TCTN1: variants seen among roughly 807,000 people sequenced by gnomAD.
The protein encoded by TCTN1 is tectonic-1.
Under a neutral mutation model 65.8 loss-of-function variants are expected in TCTN1, and 58 were observed. The observed-to-expected ratio is 0.88, with a 90% CI of 0.71 to 1.10. The LOEUF is 1.10. TCTN1 is among the 50% of genes least tolerant of loss of function. TCTN1 has a pLI of 0.00. For synonymous variants in TCTN1, 273 were observed against 289.1 expected (o/e 0.94, Z 0.57); for missense variants, 645 against 719.4 (o/e 0.90, Z 1.18).
At position 110,614,373 on chromosome 12, in the gene TCTN1, C is replaced by G. The variant is rs778685524; in HGVS notation, c.191C>G (p.Ser64Cys). 6 of 1,604,748 alleles carry G rather than the reference C, an allele frequency of 3.7e-6. No homozygotes were observed. The highest frequency in any genetic ancestry group is 5.1e-6 in the Non-Finnish European group (6 of 1,176,312). ...PGTPRAPGPSSGPRPTPVTDV... is the reference protein window; with the variant it reads ...PGTPRAPGPSCGPRPTPVTDV... Reference sequence around the variant, plus strand: ...ACTCCCAGGGCTCCAGGGCCCTCCTCCGGCCCCAGGCCTACCCCAGTCACG... The same window carrying G: ...ACTCCCAGGGCTCCAGGGCCCTCCTGCGGCCCCAGGCCTACCCCAGTCACG... The change falls in exon 1 of 15, where the codon TCC becomes TGC. Residue 64 changes from serine (S) to cysteine (C), a missense_variant. Transcript: ENST00000397659.
In TCTN1 at chr12:110,628,854, T is replaced by C. The variant is rs2066031755; in HGVS notation, c.560T>C (p.Leu187Ser). Residue 187 changes from leucine (L) to serine (S), a missense_variant, in exon 4 of 15, where the codon TTG becomes TCG. By Grantham distance (145) the Leu-to-Ser change is moderately radical (BLOSUM62 -2). Transcript: ENST00000397659. ...ATGAAAACATCTGATGGTTTTACATTGAATGCTGAATCATATGTTTCCTTC... is the reference window on the plus strand; with the variant it reads ...ATGAAAACATCTGATGGTTTTACATCGAATGCTGAATCATATGTTTCCTTC... ...TLMKTSDGFTLNAESYVSFTT... is the reference protein window; with the variant it reads ...TLMKTSDGFTSNAESYVSFTT... The C allele has an allele frequency of 6.2e-7, 1 of 1,613,716 alleles. No individual in the cohort carries two copies. Among genetic ancestry groups the C allele is most frequent in the Non-Finnish European group, 8.5e-7 (1 of 1,179,878 alleles).
Position 110,628,860 on chromosome 12 carries a change from C to G in TCTN1, c.566C>G (p.Ala189Gly). The G allele has an allele frequency of 6.2e-7, 1 of 1,613,556 alleles. No homozygotes were observed. The highest frequency in any genetic ancestry group is 8.5e-7 in the Non-Finnish European group (1 of 1,179,832). Residue 189 changes from alanine (A) to glycine (G), a missense_variant, in exon 4 of 15, where the codon GCT (alanine) becomes GGT (glycine). Coordinates refer to ENST00000397659, the MANE Select transcript of TCTN1 (RefSeq NM_001082538.3). ...MKTSDGFTLN[A>G]ESYVSFTTKL... ...ACATCTGATGGTTTTACATTGAATG[C>G]TGAATCATATGTTTCCTTCACAACC...
intron 1 of TCTN1, among the ~76,000 whole-genome samples, chr12:110,619,184 T>A (rs548976444): frequency 1.6e-4 from 19 of 119,972 alleles, no homozygotes; most frequent in Admixed American, 6.8e-4. Flanking sequence ...CTTTAAAAAA[T>A]AAATAAATAA....
At chr12:110,632,002 T>C (rs2066269055) in intron 4 of TCTN1, among the ~76,000 whole-genome samples, 1 of 152,216 alleles carries the variant, frequency 6.6e-6, no homozygotes, top group African/African-American at 2.4e-5. Flanking sequence ...GCTATTAATC[T>C]GGGTTTTGAA....
intron 1 of TCTN1, 146 bp downstream of exon 1, chr12:110,614,548 C>CTA: frequency 6.8e-7 from 1 of 1,474,754 alleles, no homozygotes; most frequent in South Asian, 1.2e-5. Context: ...CGTCCATTCT[C>CTA]TAAACAATAA....
intron 2 of TCTN1, among the ~76,000 whole-genome samples, chr12:110,626,149 C>T (rs150161047): frequency 4.0e-4 from 60 of 151,246 alleles, no homozygotes; most frequent in Non-Finnish European, 7.2e-4. Context: ...AGTGCAGTGG[C>T]GCGATCTTGG....
At chr12:110,648,348 T>C (rs1166099751) in intron 14 of TCTN1, among the ~76,000 whole-genome samples, 3 of 152,216 alleles carry the variant, frequency 2.0e-5, no homozygotes, top group Admixed American at 2.0e-4. Flanking sequence ...CCTTTTTTCC[T>C]TTTGGAAATG....
intron 6 of TCTN1, among the ~76,000 whole-genome samples, chr12:110,635,252 C>T (rs924703692): frequency 4.6e-5 from 7 of 152,200 alleles, no homozygotes; most frequent in African/African-American, 1.7e-4. Context: ...GGGGCCCCTT[C>T]TCTCTGGTTA....
intron 3 of TCTN1, chr12:110,627,874 A>G (rs368639653): frequency 1.3e-4 from 79 of 626,550 alleles, no homozygotes; most frequent in Non-Finnish European, 1.8e-4. Flanking sequence ...AAATTCTGTC[A>G]TATTTTCAGA....
chr12:110,620,847 C>T (rs1205369981), intron 2 of TCTN1, among the ~76,000 whole-genome samples: 1 of 143,714 alleles, frequency 7.0e-6, no homozygotes, highest in Non-Finnish European at 1.5e-5. Context: ...GAGTCTCGCT[C>T]TGTTGCCCAG....
At chr12:110,641,741 TC>T in intron 10 of TCTN1, 114 bp downstream of exon 10, 1 of 1,121,576 alleles carries the variant, frequency 8.9e-7, no homozygotes, top group Non-Finnish European at 1.3e-6. Flanking sequence ...GAGAGAGCAG[TC>T]CAGGCCGAGC....
rs536476528 is a variant in TCTN1 at position 110,614,212 on chromosome 12, G to A, written c.30G>A (p.Leu10=). 2.5e-6 allele frequency: 4 copies of A among 1,581,522 alleles called. No individual in the cohort carries two copies. Among genetic ancestry groups the A allele is most frequent in the East Asian group, 4.6e-5 (2 of 43,668 alleles). Residue 10 remains leucine (L), a synonymous_variant, in exon 1 of 15, where the codon CTG becomes CTA. Transcript: ENST00000397659. MRPRGLPPL[L]VVLLGCWASV... is the part of the protein sequence containing the mutation. ...GGCCGCGAGGTCTCCCGCCGCTCCT[G>A]GTGGTGCTCCTGGGCTGCTGGGCCT...
intron 3 of TCTN1, chr12:110,628,340 AC>A: frequency 9.6e-7 from 1 of 1,045,114 alleles, no homozygotes; most frequent in Non-Finnish European, 1.3e-6. Context: ...GGAAAAATAC[AC>A]TTTTTTTTTT....
intron 13 of TCTN1, 86 bp from the exon 14 acceptor site, chr12:110,647,663 G>T: frequency 6.3e-7 from 1 of 1,591,628 alleles, no homozygotes; most frequent in South Asian, 1.1e-5. Context: ...CAGTAGTTGG[G>T]TGAGGAAGAG....
rs774514420 is a variant in TCTN1, at chr12:110,649,344, T to C, written c.*303T>C. On this transcript the variant is annotated 3_prime_UTR_variant, in exon 15 of 15. Transcript: ENST00000397659. ...CACCAAGCGGCCCAGGAGGGGCAGC[T>C]GTTCCTCTCGTGACAGCACAGGCCC... 8.2e-6 allele frequency: 11 copies of C among 1,335,538 alleles called. No individual in the cohort carries two copies. Among genetic ancestry groups the C allele is most frequent in the African/African-American group, 1.4e-5 (1 of 69,032 alleles). The allele number at this position is 1,335,538 out of a possible 1,614,324, so 82.7% of individuals were successfully genotyped here.
At chr12:110,628,606 G>A (rs1481395515) in intron 3 of TCTN1, among the ~76,000 whole-genome samples, 161 bp from the exon 4 acceptor site, 3 of 152,154 alleles carry the variant, frequency 2.0e-5, no homozygotes, top group African/African-American at 7.2e-5. Flanking sequence ...CTCCCAAAGT[G>A]TTGAGATTAC....
At chr12:110,636,685 TG>T (rs1437967668) in intron 7 of TCTN1, among the ~76,000 whole-genome samples, 184 bp downstream of exon 7, 1 of 152,188 alleles carries the variant, frequency 6.6e-6, no homozygotes, top group Non-Finnish European at 1.5e-5. Flanking sequence ...GTCACACTTC[TG>T]GGCTTCCCAG....
chr12:110,621,304 A>G lies in TCTN1; in HGVS notation c.341+1348A>G, dbSNP rs554011887. ...TATTTTATTGACCAATGGGATTTTGAGCCTATTTCTAGTATTGTAAAAATG... is the reference window on the plus strand; with the variant it reads ...TATTTTATTGACCAATGGGATTTTGGGCCTATTTCTAGTATTGTAAAAATG... On this transcript the variant is annotated intron_variant, in intron 2 of 14. Coordinates refer to ENST00000397659, the MANE Select transcript of TCTN1 (RefSeq NM_001082538.3). Among the ~76,000 whole-genome samples the G allele has an allele frequency of 1.4e-3, 208 of 152,254 alleles. 1 individual carries two copies. Among genetic ancestry groups the G allele is most frequent in the Middle Eastern group, 6.8e-3 (2 of 294 alleles).
chr12:110,616,256 T>C (rs1376405288), intron 1 of TCTN1: 3 of 295,132 alleles, frequency 1.0e-5, no homozygotes, highest in Non-Finnish European at 2.1e-5. Flanking sequence ...CACACTTTAT[T>C]TTTTTTTTTT....
Sources: allele counts gnomAD v4.1 joint callset (sites outside exome capture counted in the v4.1 genomes callset), GRCh38; gene constraint gnomAD v4.1.1; transcripts MANE v1.5; gene names NCBI Gene and HGNC (gene_info 2026-07-23, HGNC 2026-07-21).